Variants in NAGLU observed in about 807,000 individuals in gnomAD.
The protein encoded by NAGLU is N-acetyl-alpha-glucosaminidase.
A neutral mutation model predicts 43.4 loss-of-function variants in NAGLU; 34 were observed. The observed-to-expected ratio is 0.78, with a 90% CI of 0.60 to 1.04. NAGLU has a LOEUF of 1.04. Ranked by LOEUF, NAGLU falls within the 50% of genes least tolerant of loss-of-function variation. The pLI is 0.00. For missense variants in NAGLU, 910 were observed against 993.7 expected, an observed-to-expected ratio of 0.92 and a Z score of 1.13; for synonymous variants, 425 against 437.6, an observed-to-expected ratio of 0.97 and a Z score of 0.36.
At position 42,543,700 on chromosome 17, in the gene NAGLU, G is replaced by A. The variant is rs104894598; in HGVS notation, c.1694G>A (p.Arg565Gln). The change falls in exon 6 of 6, where the codon CGG becomes CAG. Residue 565 changes from arginine (R) to glutamine (Q), a missense_variant. Transcript: ENST00000225927. ...CGCTACGACCTGCTGGACCTCACTC[G>A]GCAGGCAGTGCAGGAGCTGGTCAGC... ...AFRYDLLDLT[R>Q]QAVQELVSLY... 3.3e-5 allele frequency: 54 copies of A among 1,612,408 alleles called. No homozygotes were observed. Among genetic ancestry groups the A allele is most frequent in the African/African-American group, 5.3e-5 (4 of 74,932 alleles).
chr17:42,543,434 C>T lies in NAGLU; in HGVS notation c.1428C>T (p.Thr476=). 1 of 1,600,024 alleles carries T rather than the reference C, an allele frequency of 6.2e-7. No individual in the cohort carries two copies. Among genetic ancestry groups the T allele is most frequent in the Non-Finnish European group, 8.5e-7 (1 of 1,174,480 alleles). Residue 476 remains threonine, a synonymous_variant, in exon 6 of 6, where the codon ACC becomes ACT. Transcript: ENST00000225927. ...DPVPDLAAWV[T]SFAARRYGVS... ...TGCCAGATTTGGCAGCCTGGGTGAC[C>T]AGCTTTGCCGCCCGGCGGTATGGGG...
In NAGLU at chr17:42,541,016, CTCCT is replaced by C. The variant is rs756865833; in HGVS notation, c.838_841del (p.Leu280TrpfsTer19). 1.9e-6 allele frequency: 3 copies of C among 1,614,208 alleles called. No homozygotes were observed. Among genetic ancestry groups the C allele is most frequent in the South Asian group, 2.2e-5 (2 of 91,082 alleles). ...GCCACTTTAACTGTTCCTACTCCTG[CTCCT>C]TCCTTCTGGCTCCGGAAGACCCCAT... is the stretch of plus-strand genomic sequence containing the variant. On this transcript the variant is annotated frameshift_variant, in exon 5 of 6. Coordinates refer to ENST00000225927, the MANE Select transcript of NAGLU (RefSeq NM_000263.4). LOFTEE classifies it high-confidence loss of function.
rs762031686 is a variant in NAGLU at position 42,543,680 on chromosome 17, C to T, written c.1674C>T (p.Tyr558=). The part of the protein sequence containing the change: ...PSLATSPAFR[Y]DLLDLTRQAV... ...TGGCCACCAGCCCCGCCTTCCGCTA[C>T]GACCTGCTGGACCTCACTCGGCAGG... is the stretch of plus-strand genomic sequence containing the variant. Residue 558 remains tyrosine, a synonymous_variant, in exon 6 of 6, where the codon TAC becomes TAT. Coordinates refer to ENST00000225927, the MANE Select transcript of NAGLU (RefSeq NM_000263.4). 16 of 1,612,900 alleles carry T rather than the reference C, an allele frequency of 9.9e-6. No homozygotes were observed. The highest frequency in any genetic ancestry group is 1.3e-5 in the African/African-American group (1 of 74,950).
chr17:42,542,618 C>T (rs116380488), intron 5 of NAGLU, among the ~76,000 whole-genome samples: 5,981 of 152,264 alleles, frequency 0.039, 400 homozygotes, highest in African/African-American at 0.14. Context: ...CTCTACCTCC[C>T]GAGTAGCCGG....
At position 42,538,760 on chromosome 17, in the gene NAGLU, G is replaced by A. The variant is rs2092914089; in HGVS notation, c.764+5G>A. 2 of 1,613,690 alleles carry A rather than the reference G, an allele frequency of 1.2e-6. No individual in the cohort carries two copies. Among genetic ancestry groups the A allele is most frequent in the Non-Finnish European group, 8.5e-7 (1 of 1,180,040 alleles). ...TGTTCCCGAGGCTGTCACCAGGTGA[G>A]GTTCCGCTCACCCCCTCCACTTAGC... On this transcript the variant is annotated splice_donor_5th_base_variant and intron_variant, in intron 4 of 5. Transcript: ENST00000225927.
Position 42,538,319 on chromosome 17 carries a change from T to G in NAGLU, c.532-20T>G. The G allele has an allele frequency of 1.2e-6, 2 of 1,614,124 alleles. No homozygotes were observed. Among genetic ancestry groups the G allele is most frequent in the Non-Finnish European group, 1.7e-6 (2 of 1,179,938 alleles). On this transcript the variant is annotated intron_variant, in intron 2 of 5. Coordinates refer to ENST00000225927, the MANE Select transcript of NAGLU (RefSeq NM_000263.4). The stretch of plus-strand genomic sequence containing the variant: ...GAATGAAGATGAATATATTTCTATG[T>G]GTGGGCCCTTCTTCCTCAGGTGTAC...
At position 42,544,144 on chromosome 17, in the gene NAGLU, A is replaced by G; in HGVS notation, c.2138A>G (p.Gln713Arg). ...GAGCAGGCCTTCGTTCTCAGCAAGC[A>G]GAGGTACCCCAGCCAGCCGCGAGGA... ...QLEQAFVLSK[Q>R]RYPSQPRGDT... The change falls in exon 6 of 6, where the codon CAG becomes CGG. Residue 713 changes from glutamine to arginine, a missense_variant. Coordinates refer to ENST00000225927, the MANE Select transcript of NAGLU (RefSeq NM_000263.4). The G allele has an allele frequency of 6.2e-7, 1 of 1,614,056 alleles. No homozygotes were observed. Among genetic ancestry groups the G allele is most frequent in the Non-Finnish European group, 8.5e-7 (1 of 1,180,038 alleles).
At chr17:42,536,890 T>C in intron 1 of NAGLU, 1 of 838,692 alleles carries the variant, frequency 1.2e-6, no homozygotes, top group Non-Finnish European at 1.7e-6. Flanking sequence ...ATTTGCACGA[T>C]GATGGGCATA....
chr17:42,540,286 G>C (rs1397160690), intron 4 of NAGLU, among the ~76,000 whole-genome samples: 5 of 151,534 alleles, frequency 3.3e-5, no homozygotes. Context: ...CTTAATGCAT[G>C]CGGGGCTGAA....
intron 5 of NAGLU, 69 bp downstream of exon 5, chr17:42,541,275 A>G (rs2092921310): frequency 6.3e-6 from 10 of 1,593,672 alleles, no homozygotes; most frequent in Non-Finnish European, 8.5e-6. Flanking sequence ...AGATGTCAGT[A>G]GGGGTAGGCA....
chr17:42,537,123 C>G, intron 1 of NAGLU: 2 of 495,944 alleles, frequency 4.0e-6, no homozygotes, highest in South Asian at 4.0e-5. Flanking sequence ...AAACACCGTG[C>G]AGAGGAGGGG....
chr17:42,538,673 CG>C lies in NAGLU; in HGVS notation c.685del (p.Val229SerfsTer10). 1 of 1,613,956 alleles carries C rather than the reference CG, an allele frequency of 6.2e-7. No individual in the cohort carries two copies. Among genetic ancestry groups the C allele is most frequent in the Non-Finnish European group, 8.5e-7 (1 of 1,180,034 alleles). On this transcript the variant is annotated frameshift_variant, in exon 4 of 6. Transcript: ENST00000225927. LOFTEE classifies it high-confidence loss of function. Reference protein sequence around the residue: ...WHIKQLYLQHRVLDQMRSFGM... With the variant: ...WHIKQLYLQHXVLDQMRSFGM... The stretch of plus-strand genomic sequence containing the variant: ...ACCCTTCCTTCTGTTCCTCCAGCAC[CG>C]GGTCCTGGACCAGATGCGCTCCTTC...
At chr17:42,538,819 G>T (rs2092914425) in intron 4 of NAGLU, 64 bp downstream of exon 4, 1 of 1,590,368 alleles carries the variant, frequency 6.3e-7, no homozygotes, top group South Asian at 1.1e-5. Context: ...TCTAGAACAT[G>T]ACTTAAAAAC....
Position 42,543,641 on chromosome 17 carries a change from A to C in NAGLU, c.1635A>C (p.Thr545=), listed in dbSNP as rs777277903. The C allele has an allele frequency of 3.7e-6, 6 of 1,612,946 alleles. No homozygotes were observed. In the South Asian group the frequency reaches 5.5e-5, roughly 15 times the overall value. The change falls in exon 6 of 6, where the codon ACA becomes ACC. Residue 545 remains threonine (T), a synonymous_variant. Coordinates refer to ENST00000225927, the MANE Select transcript of NAGLU (RefSeq NM_000263.4). ...TTGAGGCCTGGCGGCTGCTGCTCAC[A>C]TCTGCTCCCTCCCTGGCCACCAGCC... The part of the protein sequence containing the change: ...DVFEAWRLLL[T]SAPSLATSPA...
chr17:42,543,002 C>T (rs750076356), intron 5 of NAGLU, 26 bp from the exon 6 acceptor site: 9 of 1,598,668 alleles, frequency 5.6e-6, no homozygotes, highest in Non-Finnish European at 7.6e-6. Flanking sequence ...CTCCTCTTCT[C>T]TGTTCCCCCT....
At chr17:42,539,944 T>C (rs1009083879) in intron 4 of NAGLU, among the ~76,000 whole-genome samples, 6 of 151,770 alleles carry the variant, frequency 4.0e-5, no homozygotes, top group East Asian at 3.9e-4. Flanking sequence ...CGAAACCCCA[T>C]CTCTACTAAA....
At position 42,541,065 on chromosome 17, in the gene NAGLU, C is replaced by T. The variant is rs779380732; in HGVS notation, c.880C>T (p.Leu294Phe). 5.6e-6 allele frequency: 9 copies of T among 1,614,172 alleles called. No individual in the cohort carries two copies. The South Asian group carries it at 8.8e-5, about 16-fold the overall frequency. ...EDPIFPIIGSLFLRELIKEFG... is the reference protein window; with the variant it reads ...EDPIFPIIGSFFLRELIKEFG... ...CCCCATATTCCCCATCATCGGGAGC[C>T]TCTTCCTGCGAGAGCTGATCAAAGA... The change falls in exon 5 of 6, where the codon CTC (leucine) becomes TTC (phenylalanine). Residue 294 changes from leucine to phenylalanine, a missense_variant. Coordinates refer to ENST00000225927, the MANE Select transcript of NAGLU (RefSeq NM_000263.4).
chr17:42,539,839 A>G (rs1306512700), intron 4 of NAGLU, among the ~76,000 whole-genome samples: 1 of 152,162 alleles, frequency 6.6e-6, no homozygotes, highest in East Asian at 1.9e-4. Flanking sequence ...GCTTGGACGG[A>G]CGCTTGGCTA....
In NAGLU at chr17:42,537,565, TC is replaced by T; in HGVS notation, c.531+24del. 2 of 1,612,730 alleles carry T rather than the reference TC, an allele frequency of 1.2e-6. No individual in the cohort carries two copies. On this transcript the variant is annotated intron_variant, in intron 2 of 5. Transcript: ENST00000225927. ...CAGCGGGTGCGTGCCCACTGTCCCT[TC>T]CCCACCCTCCTCTATGGCGGGAGCC...
Sources: allele counts gnomAD v4.1 joint callset (sites outside exome capture counted in the v4.1 genomes callset), GRCh38; gene constraint gnomAD v4.1.1; transcripts MANE v1.5; gene names NCBI Gene and HGNC (gene_info 2026-07-23, HGNC 2026-07-21).